KDM4B: variants seen among roughly 807,000 people sequenced by gnomAD.
KDM4B encodes lysine-specific demethylase 4B.
A neutral mutation model predicts 125.2 loss-of-function variants in KDM4B; 32 were observed. The observed-to-expected ratio is 0.26, with a 90% CI of 0.19 to 0.34. The LOEUF (loss-of-function observed/expected upper bound fraction) is 0.34, where lower values mean the gene tolerates loss of function less well. Among genes scored for constraint, KDM4B ranks in the 10% least tolerant of loss-of-function variants. The pLI is 1.00. For synonymous variants in KDM4B, 721 were observed against 677.9 expected (o/e 1.06, Z -0.99); for missense variants, 1,190 against 1,577.7 (o/e 0.75, Z 4.16).
At chr19:5,057,026 ATGCGTG>A (rs752360010) in intron 6 of KDM4B, among the ~76,000 whole-genome samples, 1 of 124,896 alleles carries the variant, frequency 8.0e-6, no homozygotes, top group Admixed American at 7.9e-5. Flanking sequence ...CCAGATATAT[ATGCGTG>A]TGTGTGTGTG....
chr19:4,978,716 G>A (rs1026832281), intron 1 of KDM4B, among the ~76,000 whole-genome samples: 1 of 152,200 alleles, frequency 6.6e-6, no homozygotes, highest in Admixed American at 6.5e-5. Context: ...GTGCAATTCT[G>A]TGCCTGTCGC....
rs571483036 is a variant in KDM4B at position 5,088,663 on chromosome 19, C to G, written c.918+6159C>G. 8.5e-3 allele frequency among the ~76,000 whole-genome samples: 901 copies of G among 106,056 alleles called. 9 individuals are homozygous for G. The highest frequency in any genetic ancestry group is 0.029 in the African/African-American group (853 of 29,294). 69.6% of individuals were successfully genotyped at this position (106,056 alleles called of 152,430 possible). A position where few individuals can be genotyped will look rare whatever the true frequency, so the allele number is the denominator to read the frequency against. On this transcript the variant is annotated intron_variant, in intron 9 of 22. Transcript: ENST00000159111. ...TGCAGGGGACAGGCCAGGCCCCCCC[C>G]CTCCCCCCCCCCGCAAAAGAGCAGG...
chr19:5,010,685 T>C (rs913228614), intron 1 of KDM4B, among the ~76,000 whole-genome samples: 1 of 151,510 alleles, frequency 6.6e-6, no homozygotes, highest in African/African-American at 2.5e-5. Flanking sequence ...TCTCACTCTT[T>C]TGCCCAGGCT....
At chr19:5,003,942 C>T (rs976242004) in intron 1 of KDM4B, among the ~76,000 whole-genome samples, 7 of 152,116 alleles carry the variant, frequency 4.6e-5, no homozygotes, top group Admixed American at 3.3e-4. Flanking sequence ...GGTTGTTGGC[C>T]GCGGTCGGAT....
chr19:5,144,367 C>A lies in KDM4B; in HGVS notation c.2856C>A (p.Phe952Leu). ...AASQTCYEVN[F>L]DDGSYSDNLY... ...CGCAGACCTGCTACGAAGTGAACTTCGACGATGGCTCCTACAGCGACAACC... is the reference window on the plus strand; with the variant it reads ...CGCAGACCTGCTACGAAGTGAACTTAGACGATGGCTCCTACAGCGACAACC... The change falls in exon 20 of 23, where the codon TTC (phenylalanine) becomes TTA (leucine). Residue 952 changes from phenylalanine to leucine, a missense_variant. Phe to Leu is a conservative substitution (Grantham distance 22). Around this residue, in one of 7 missense-constraint regions of KDM4B, gnomAD observed 298 missense variants for 439.7 expected, o/e 0.68. Transcript: ENST00000159111. The A allele has an allele frequency of 7.6e-7, 1 of 1,315,286 alleles. No homozygotes were observed. The highest frequency in any genetic ancestry group is 9.8e-7 in the Non-Finnish European group (1 of 1,015,714). The allele number at this position is 1,315,286 out of a possible 1,614,324, so 81.5% of individuals were successfully genotyped here.
intron 6 of KDM4B, among the ~76,000 whole-genome samples, chr19:5,050,092 G>C (rs559144349): frequency 6.6e-6 from 1 of 152,226 alleles, no homozygotes; most frequent in Non-Finnish European, 1.5e-5. Flanking sequence ...TCATTACACT[G>C]TTCCGCTTGC....
rs1432883758 is a variant in KDM4B, at chr19:5,110,646, A to T, written c.943A>T (p.Lys315Ter). ...TQCTCRKDMV[K>*]ISMDVFVRIL... is the part of the protein sequence containing the mutation. Reference sequence around the variant, plus strand: ...GTGCACGTGCCGGAAGGACATGGTCAAGATCTCCATGGACGTGTTCGTGCG... The same window carrying T: ...GTGCACGTGCCGGAAGGACATGGTCTAGATCTCCATGGACGTGTTCGTGCG... Residue 315 changes from lysine (K) to a stop codon, truncating the protein, a stop_gained, in exon 10 of 23, where the codon AAG (lysine) becomes TAG (stop). Transcript: ENST00000159111. LOFTEE classifies it high-confidence loss of function. 1 of 1,612,978 alleles carries T rather than the reference A, an allele frequency of 6.2e-7. No individual in the cohort carries two copies. Among genetic ancestry groups the T allele is most frequent in the Non-Finnish European group, 8.5e-7 (1 of 1,179,888 alleles).
intron 9 of KDM4B, among the ~76,000 whole-genome samples, chr19:5,095,425 G>T (rs547757950): frequency 2.0e-5 from 3 of 152,368 alleles, no homozygotes; most frequent in African/African-American, 7.2e-5. Context: ...AAAAGAGATG[G>T]CCTCTGGTGA....
intron 10 of KDM4B, among the ~76,000 whole-genome samples, chr19:5,117,548 C>T (rs1005892364): frequency 1.6e-4 from 24 of 152,152 alleles, no homozygotes; most frequent in Admixed American, 1.1e-3. Flanking sequence ...ACCCCAGCGC[C>T]GGTCTGAAGC....
At chr19:5,099,333 A>ATTGT (rs2038887640) in intron 9 of KDM4B, among the ~76,000 whole-genome samples, 3 of 152,220 alleles carry the variant, frequency 2.0e-5, no homozygotes, top group African/African-American at 4.8e-5. Context: ...GTAGTGAGAC[A>ATTGT]AGACGGTGGA....
rs765398032 is a variant in KDM4B at position 5,144,270 on chromosome 19, C to T, written c.2759C>T (p.Ser920Phe). ...GHAVQLLRAV[S>F]LGQVVITKNR... ...CAGGTCCAACTCCTGAGGGCCGTGT[C>T]CCTAGGCCAGGTGGTCATCACCAAG... The change falls in exon 20 of 23, where the codon TCC becomes TTC. Residue 920 changes from serine to phenylalanine, a missense_variant. Around this residue, in one of 7 missense-constraint regions of KDM4B, gnomAD observed 298 missense variants for 439.7 expected, o/e 0.68. Coordinates refer to ENST00000159111, the MANE Select transcript of KDM4B (RefSeq NM_015015.3). The T allele has an allele frequency of 3.0e-5, 48 of 1,598,334 alleles. No individual in the cohort carries two copies. The Admixed American group carries it at 7.9e-4, about 26-fold the overall frequency.
chr19:5,004,437 C>T (rs753348738), intron 1 of KDM4B, among the ~76,000 whole-genome samples: 2 of 152,192 alleles, frequency 1.3e-5, no homozygotes, highest in Non-Finnish European at 2.9e-5. Flanking sequence ...GCCCCCCGGG[C>T]TCATACACCT....
At chr19:5,018,158 C>A (rs948154810) in intron 2 of KDM4B, among the ~76,000 whole-genome samples, 3 of 152,216 alleles carry the variant, frequency 2.0e-5, no homozygotes, top group Admixed American at 6.5e-5. Flanking sequence ...CCCGCCTCAG[C>A]CTCCTGAGTA....
rs1364163259 is a variant in KDM4B, at chr19:5,081,188, A to G, written c.781-1179A>G. ...AAAGATGAGGAGCCCACTTGACTTC[A>G]AGGATTCTAGTTCATGAGCCTCAGT... On this transcript the variant is annotated intron_variant, in intron 8 of 22. Coordinates refer to ENST00000159111, the MANE Select transcript of KDM4B (RefSeq NM_015015.3). This position sits in a 1 kb window ranked among gnomAD's most constrained non-coding sequence, Gnocchi z 4.2. 6.6e-6 allele frequency among the ~76,000 whole-genome samples: 1 copy of G among 152,172 alleles called. No homozygotes were observed. Among genetic ancestry groups the G allele is most frequent in the Non-Finnish European group, 1.5e-5 (1 of 68,028 alleles).
chr19:5,144,777 C>T lies in KDM4B; in HGVS notation c.2902-6C>T. The stretch of plus-strand genomic sequence containing the variant: ...GGACCTCACCTCCCACCTCTTCTCC[C>T]TGCAGAGTAGGGACTGTGTCCAGCT... On this transcript the variant is annotated splice_region_variant and splice_polypyrimidine_tract_variant and intron_variant, in intron 20 of 22. Coordinates refer to ENST00000159111, the MANE Select transcript of KDM4B (RefSeq NM_015015.3). 2 of 1,613,470 alleles carry T rather than the reference C, an allele frequency of 1.2e-6. No homozygotes were observed. Among genetic ancestry groups the T allele is most frequent in the Non-Finnish European group, 1.7e-6 (2 of 1,179,954 alleles).
chr19:5,033,179 G>A (rs968716418), intron 3 of KDM4B, 148 bp downstream of exon 3: 26 of 945,050 alleles, frequency 2.8e-5, no homozygotes, highest in Middle Eastern at 3.3e-4. Context: ...GTTTACCAGC[G>A]CCTGTTTGTG....
chr19:5,050,458 G>C (rs1164531030), intron 6 of KDM4B, among the ~76,000 whole-genome samples: 1 of 152,232 alleles, frequency 6.6e-6, no homozygotes, highest in African/African-American at 2.4e-5. Flanking sequence ...GGGGGCCGGA[G>C]TGCAGGTGGG....
chr19:5,111,586 A>C, intron 10 of KDM4B: 1 of 740,316 alleles, frequency 1.4e-6, no homozygotes. Context: ...GGAAGTGTCC[A>C]GGCTTCCAGG....
At chr19:5,055,944 T>C (rs1288757861) in intron 6 of KDM4B, among the ~76,000 whole-genome samples, 3 of 152,210 alleles carry the variant, frequency 2.0e-5, no homozygotes, top group Admixed American at 1.3e-4. Flanking sequence ...TGATGCGTTA[T>C]GAACTAAGAT....
Sources: allele counts gnomAD v4.1 joint callset (sites outside exome capture counted in the v4.1 genomes callset), GRCh38; gene constraint gnomAD v4.1.1; regional missense constraint gnomAD v4.1.1; non-coding constraint Gnocchi (gnomAD v3.1); transcripts MANE v1.5; gene names NCBI Gene and HGNC (gene_info 2026-07-23, HGNC 2026-07-21).